The following WASHC5 variants were observed in gnomAD, a reference collection of about 807,000 sequenced individuals.
The protein encoded by WASHC5 is WASH complex subunit strumpellin.
Under a neutral mutation model 150.4 loss-of-function variants are expected in WASHC5, and 101 were observed. The ratio of observed to expected loss-of-function variants is 0.67; its 90% CI spans 0.57 to 0.79. The LOEUF (loss-of-function observed/expected upper bound fraction) is 0.79. Among genes scored for constraint, WASHC5 ranks in the 30% least tolerant of loss-of-function variants. WASHC5 has a pLI of 0.00. For synonymous variants in WASHC5, 467 were observed against 491.2 expected (o/e 0.95, Z 0.65); for missense variants, 1,195 against 1,396.3 (o/e 0.86, Z 2.30).
chr8:125,081,951 C>G (rs1383167325), intron 4 of WASHC5, among the ~76,000 whole-genome samples, 190 bp from the exon 5 acceptor site: 5 of 152,230 alleles, frequency 3.3e-5, no homozygotes, highest in Non-Finnish European at 5.9e-5. Context: ...TTATGTAAAA[C>G]AGATTTTAAT....
At chr8:125,081,612 A>AT in intron 5 of WASHC5, 49 bp downstream of exon 5, 1 of 1,029,246 alleles carries the variant, frequency 9.7e-7, no homozygotes. Flanking sequence ...CATACACTGC[A>AT]TTTTACCGAC....
At chr8:125,047,115 C>T (rs929032739) in intron 20 of WASHC5, 92 bp downstream of exon 20, 16 of 1,493,532 alleles carry the variant, frequency 1.1e-5, no homozygotes, top group Middle Eastern at 1.9e-4. Flanking sequence ...GCAGGACCCC[C>T]GTGACTGGAA....
intron 10 of WASHC5, 149 bp from the exon 11 acceptor site, chr8:125,063,800 ACT>A: frequency 1.4e-6 from 1 of 705,170 alleles, no homozygotes; most frequent in South Asian, 1.8e-5. Context: ...CTCCTCAGGC[ACT>A]GATACTTTGC....
intron 6 of WASHC5, among the ~76,000 whole-genome samples, chr8:125,077,035 ACT>A (rs1023206687): frequency 4.6e-5 from 7 of 151,998 alleles, no homozygotes; most frequent in Admixed American, 4.6e-4. Flanking sequence ...CCTAGATACC[ACT>A]CTCTCTTCTC....
rs767992061 is a variant in WASHC5 at position 125,043,976 on chromosome 8, G to C, written c.2770+16C>G. 7.6e-6 allele frequency: 12 copies of C among 1,580,100 alleles called. No homozygotes were observed. In the African/African-American group the frequency reaches 1.2e-4, roughly 16 times the overall value. ...TACAGTGTCATCCCCGCCTCAGGTA[G>C]TTTCAGGACACTCACCGACAATACT... On this transcript the variant is annotated intron_variant, in intron 22 of 28. Coordinates refer to ENST00000318410, the MANE Select transcript of WASHC5 (RefSeq NM_014846.4).
At chr8:125,052,559 ATATAT>A (rs745428526) in intron 17 of WASHC5, among the ~76,000 whole-genome samples, 3 of 152,022 alleles carry the variant, frequency 2.0e-5, no homozygotes, top group African/African-American at 4.8e-5. Flanking sequence ...TATCACACAC[ATATAT>A]TATACATATA....
chr8:125,051,383 T>C (rs1391100909), intron 17 of WASHC5, among the ~76,000 whole-genome samples: 1 of 152,236 alleles, frequency 6.6e-6, no homozygotes, highest in African/African-American at 2.4e-5. Context: ...AGAACCATTA[T>C]TTTAAAAGGT....
At chr8:125,053,371 C>T (rs1816306495) in intron 17 of WASHC5, among the ~76,000 whole-genome samples, 1 of 152,074 alleles carries the variant, frequency 6.6e-6, no homozygotes, top group Non-Finnish European at 1.5e-5. Context: ...TAATCTGAAA[C>T]ACTGTGGGAA....
intron 8 of WASHC5, among the ~76,000 whole-genome samples, chr8:125,074,673 C>T (rs1443968450): frequency 2.0e-5 from 3 of 152,020 alleles, no homozygotes; most frequent in African/African-American, 7.2e-5. Flanking sequence ...ATATTAATTC[C>T]AGCTATTGGT....
At chr8:125,052,201 AAG>A (rs1816258394) in intron 17 of WASHC5, among the ~76,000 whole-genome samples, 1 of 152,258 alleles carries the variant, frequency 6.6e-6, no homozygotes, top group South Asian at 2.1e-4. Context: ...TACAGAATCA[AAG>A]AAGTATCATG....
intron 20 of WASHC5, among the ~76,000 whole-genome samples, chr8:125,046,357 G>C (rs925608249): frequency 6.6e-6 from 1 of 152,296 alleles, no homozygotes; most frequent in South Asian, 2.1e-4. Flanking sequence ...TCTCTGCCGT[G>C]GTGCTCACCT....
intron 10 of WASHC5, among the ~76,000 whole-genome samples, chr8:125,066,713 C>G (rs1222040184): frequency 6.6e-6 from 1 of 152,230 alleles, no homozygotes; most frequent in African/African-American, 2.4e-5. Context: ...TCATTTCACA[C>G]TACCTTTCTC....
At position 125,075,002 on chromosome 8, in the gene WASHC5, T is replaced by C. The variant is rs761147150; in HGVS notation, c.974A>G (p.Glu325Gly). ...NNTLDLSNVR[E>G]QASRYATVSE... ...TGTCCCCAGATTAGAACCTACCTGT[T>C]CTCTGACATTTGAAAGGTCCAGGGT... is the stretch of plus-strand genomic sequence containing the variant. Residue 325 changes from glutamate (E) to glycine (G), a missense_variant, in exon 8 of 29, where the codon GAA becomes GGA. This residue lies in a region of WASHC5 where 997 missense variants were observed against 1,168.1 expected (regional missense o/e 0.85). Transcript: ENST00000318410. 12 of 1,595,656 alleles carry C rather than the reference T, an allele frequency of 7.5e-6. No individual in the cohort carries two copies. The highest frequency in any genetic ancestry group is 1.0e-5 in the Non-Finnish European group (12 of 1,163,466).
At chr8:125,039,385 T>A (rs188612605) in intron 24 of WASHC5, among the ~76,000 whole-genome samples, 11 of 152,298 alleles carry the variant, frequency 7.2e-5, no homozygotes, top group African/African-American at 2.6e-4. Flanking sequence ...CACTTCCAAC[T>A]GCCCTCTGGA....
At chr8:125,049,603 C>G (rs117519396) in intron 18 of WASHC5, among the ~76,000 whole-genome samples, 1 of 146,022 alleles carries the variant, frequency 6.8e-6, no homozygotes, top group Admixed American at 6.9e-5. Flanking sequence ...TCTCGGCACT[C>G]TGGGAGGCTG....
At chr8:125,045,285 G>A (rs1816029360) in intron 20 of WASHC5, among the ~76,000 whole-genome samples, 1 of 152,102 alleles carries the variant, frequency 6.6e-6, no homozygotes, top group South Asian at 2.1e-4. Flanking sequence ...CATATTTACT[G>A]GGCACTTATT....
chr8:125,080,220 G>A (rs2130198980), intron 5 of WASHC5, among the ~76,000 whole-genome samples: 1 of 152,286 alleles, frequency 6.6e-6, no homozygotes, highest in East Asian at 1.9e-4. Flanking sequence ...ATTAGCTGTT[G>A]TACCAAAGGG....
At position 125,079,185 on chromosome 8, in the gene WASHC5, CTTT is replaced by C. The variant is rs34211379; in HGVS notation, c.519-258_519-256del. On this transcript the variant is annotated intron_variant, in intron 5 of 28. Transcript: ENST00000318410. ...GTCTCGCTATGTATGTATATATAAC[CTTT>C]TTTTTTTTTTTTTTTTTTTTTGAGA... is the stretch of plus-strand genomic sequence containing the variant. 1.7e-4 allele frequency among the ~76,000 whole-genome samples: 10 copies of C among 57,582 alleles called. No individual in the cohort carries two copies. In the South Asian group the frequency reaches 5.5e-3, roughly 32 times the overall value. The allele number at this position is 57,582 out of a possible 152,430, so 37.8% of individuals were successfully genotyped here.
chr8:125,044,217 G>T, intron 21 of WASHC5, 123 bp from the exon 22 acceptor site: 1 of 748,806 alleles, frequency 1.3e-6, no homozygotes, highest in Non-Finnish European at 2.3e-6. Context: ...CCTCTAAACA[G>T]GATGACAGCA....
Sources: allele counts gnomAD v4.1 joint callset (sites outside exome capture counted in the v4.1 genomes callset), GRCh38; gene constraint gnomAD v4.1.1; regional missense constraint gnomAD v4.1.1; transcripts MANE v1.5; gene names NCBI Gene and HGNC (gene_info 2026-07-23, HGNC 2026-07-21).